Variants in NELL1 observed in about 807,000 individuals in gnomAD.
NELL1 encodes the protein protein kinase C-binding protein NELL1.
NELL1 carries 76 observed loss-of-function variants against 107.4 expected under a neutral mutation model. The observed-to-expected ratio is 0.71, with a 90% CI of 0.59 to 0.86. NELL1 has a LOEUF of 0.86. NELL1 is among the 40% of genes least tolerant of loss of function. NELL1 has a pLI of 0.00. For missense variants in NELL1, 1,024 were observed against 1,005.5 expected, an observed-to-expected ratio of 1.02 and a Z score of -0.25; for synonymous variants, 353 against 341.2, an observed-to-expected ratio of 1.03 and a Z score of -0.38.
At chr11:21,081,007 T>TC (rs1293928830) in intron 12 of NELL1, among the ~76,000 whole-genome samples, 1 of 151,970 alleles carries the variant, frequency 6.6e-6, no homozygotes, top group Non-Finnish European at 1.5e-5. Context: ...ACCCACATCC[T>TC]CCTCCCATCC....
chr11:21,345,923 A>G (rs1486839932), intron 14 of NELL1, among the ~76,000 whole-genome samples: 1 of 152,112 alleles, frequency 6.6e-6, no homozygotes, highest in Non-Finnish European at 1.5e-5. Context: ...CTCAAACCTC[A>G]TGTCCTATAA....
intron 15 of NELL1, among the ~76,000 whole-genome samples, chr11:21,476,313 C>T (rs1043765972): frequency 1.3e-5 from 2 of 152,004 alleles, no homozygotes; most frequent in Non-Finnish European, 2.9e-5. Flanking sequence ...CTCTTCATTA[C>T]CAGAAAGATG....
chr11:20,854,748 C>T (rs929842627), intron 4 of NELL1, among the ~76,000 whole-genome samples: 1 of 152,098 alleles, frequency 6.6e-6, no homozygotes, highest in Non-Finnish European at 1.5e-5. Context: ...GCCATGGAGG[C>T]CTTGGTAGCT....
chr11:20,767,968 G>GA (rs1438074972), intron 2 of NELL1, among the ~76,000 whole-genome samples: 1 of 152,144 alleles, frequency 6.6e-6, no homozygotes, highest in Non-Finnish European at 1.5e-5. Context: ...GAGAGAAAGA[G>GA]AGAGAGAGAG....
At chr11:20,698,312 AC>A in intron 2 of NELL1, among the ~76,000 whole-genome samples, 1 of 152,282 alleles carries the variant, frequency 6.6e-6, no homozygotes. Flanking sequence ...GAGCAAATAA[AC>A]TGTGTTTATT....
intron 13 of NELL1, among the ~76,000 whole-genome samples, chr11:21,165,797 CTG>C (rs1367142749): frequency 7.7e-6 from 1 of 129,916 alleles, no homozygotes; most frequent in Non-Finnish European, 1.6e-5. Context: ...GAGTCTCACT[CTG>C]TCACCCAGGC....
At chr11:21,098,696 T>C (rs1399792421) in intron 12 of NELL1, among the ~76,000 whole-genome samples, 2 of 152,190 alleles carry the variant, frequency 1.3e-5, no homozygotes, top group East Asian at 1.9e-4. Flanking sequence ...AAGAAGAAGC[T>C]GTCATTGATT....
chr11:21,357,719 C>A (rs2133731528), intron 14 of NELL1, among the ~76,000 whole-genome samples: 1 of 152,282 alleles, frequency 6.6e-6, no homozygotes, highest in East Asian at 1.9e-4. Flanking sequence ...AACTCTTTGC[C>A]TAAGCCAACA....
intron 12 of NELL1, among the ~76,000 whole-genome samples, chr11:21,047,790 T>G (rs1853392511): frequency 6.6e-6 from 1 of 152,144 alleles, no homozygotes; most frequent in Admixed American, 6.6e-5. Flanking sequence ...TTAATGTTAC[T>G]TCTACTTGGT....
intron 12 of NELL1, among the ~76,000 whole-genome samples, chr11:21,066,725 A>G (rs1291970819): frequency 6.6e-6 from 1 of 152,064 alleles, no homozygotes; most frequent in Non-Finnish European, 1.5e-5. Context: ...TGAGGTGGGC[A>G]GATCACTTGA....
chr11:21,363,334 C>A (rs1310520282), intron 14 of NELL1, among the ~76,000 whole-genome samples: 1 of 152,202 alleles, frequency 6.6e-6, no homozygotes, highest in Non-Finnish European at 1.5e-5. Context: ...AAACCCATTT[C>A]ATCTCTAGGT....
chr11:21,551,545 A>G (rs200477683), intron 16 of NELL1, among the ~76,000 whole-genome samples: 2 of 151,786 alleles, frequency 1.3e-5, no homozygotes, highest in South Asian at 2.1e-4. Context: ...AATGCTCACC[A>G]TCACTGGCCA....
intron 13 of NELL1, among the ~76,000 whole-genome samples, chr11:21,122,993 G>A (rs1855404316): frequency 6.6e-6 from 1 of 152,074 alleles, no homozygotes; most frequent in Non-Finnish European, 1.5e-5. Context: ...TTTGGAACTT[G>A]ATCTAGCTCC....
intron 2 of NELL1, among the ~76,000 whole-genome samples, chr11:20,754,783 A>G (rs1169966706): frequency 1.3e-5 from 2 of 152,222 alleles, no homozygotes; most frequent in Non-Finnish European, 2.9e-5. Flanking sequence ...AAACAATCGT[A>G]ACATAAGAAT....
intron 15 of NELL1, among the ~76,000 whole-genome samples, chr11:21,432,728 T>C (rs1460295964): frequency 6.6e-6 from 1 of 152,154 alleles, no homozygotes; most frequent in African/African-American, 2.4e-5. Context: ...TTAATATTTG[T>C]TTAGTTCACA....
intron 15 of NELL1, among the ~76,000 whole-genome samples, chr11:21,375,475 A>G (rs538067593): frequency 3.9e-5 from 6 of 152,156 alleles, no homozygotes; most frequent in South Asian, 2.1e-4. Context: ...TTGATTCTAT[A>G]TATTTGTGAA....
At chr11:21,421,476 C>G (rs1945429) in intron 15 of NELL1, among the ~76,000 whole-genome samples, 50,642 of 151,858 alleles carry the variant, frequency 0.33, 8,852 homozygotes, top group South Asian at 0.46. Flanking sequence ...AATAAAGATC[C>G]TGTCCTCCAG....
chr11:20,785,119 G>A (rs1440292077), intron 3 of NELL1, among the ~76,000 whole-genome samples: 1 of 152,180 alleles, frequency 6.6e-6, no homozygotes, highest in Admixed American at 6.5e-5. Context: ...TCACAGAGGT[G>A]AAGAAATATA....
chr11:21,100,043 G>A (rs1854765950), intron 12 of NELL1, among the ~76,000 whole-genome samples: 1 of 151,352 alleles, frequency 6.6e-6, no homozygotes, highest in Non-Finnish European at 1.5e-5. Context: ...GAGACACAGA[G>A]TATTGCTTTG....
Sources: gnomAD v4.1 joint callset for allele counts (sites outside exome capture counted in the v4.1 genomes callset) on GRCh38, gnomAD v4.1.1 for gene constraint, MANE v1.5 for transcripts, NCBI Gene and HGNC (gene_info 2026-07-23, HGNC 2026-07-21) for gene names.